SLC4A4: variants seen among roughly 807,000 people sequenced by gnomAD.
The protein encoded by SLC4A4 is electrogenic sodium bicarbonate cotransporter 1.
A neutral mutation model predicts 111.5 loss-of-function variants in SLC4A4; 27 were observed. The observed-to-expected ratio is 0.24, with a 90% CI of 0.18 to 0.33. The LOEUF is 0.33. SLC4A4 is among the 10% of genes least tolerant of loss of function. SLC4A4 has a pLI of 1.00. For missense variants in SLC4A4, 909 were observed against 1,315.5 expected, an observed-to-expected ratio of 0.69 and a Z score of 4.78; for synonymous variants, 443 against 463.4, an observed-to-expected ratio of 0.96 and a Z score of 0.57.
intron 12 of SLC4A4, 66 bp downstream of exon 12, chr4:71,453,735 C>G: frequency 7.0e-7 from 1 of 1,431,670 alleles, no homozygotes; most frequent in South Asian, 1.1e-5. Context: ...CCCTACAGCT[C>G]AGTTAGAAGC....
chr4:71,368,105 G>T (rs1731492752), intron 6 of SLC4A4, among the ~76,000 whole-genome samples: 1 of 152,036 alleles, frequency 6.6e-6, no homozygotes, highest in Admixed American at 6.5e-5. Flanking sequence ...ATTCCTTAAA[G>T]GATAATTATG....
At chr4:71,260,243 T>A (rs1357875709) in intron 3 of SLC4A4, among the ~76,000 whole-genome samples, 1 of 152,202 alleles carries the variant, frequency 6.6e-6, no homozygotes, top group Admixed American at 6.5e-5. Context: ...GCCAAGAATA[T>A]TTGGTGTTGT....
At chr4:71,514,333 C>T (rs1226035120) in intron 16 of SLC4A4, among the ~76,000 whole-genome samples, 1 of 152,148 alleles carries the variant, frequency 6.6e-6, no homozygotes, top group Non-Finnish European at 1.5e-5. Flanking sequence ...CCTTCACCCT[C>T]TTCCTCCTGC....
At chr4:71,527,651 A>G (rs1325982813) in intron 16 of SLC4A4, among the ~76,000 whole-genome samples, 1 of 151,886 alleles carries the variant, frequency 6.6e-6, no homozygotes. Flanking sequence ...AAAGAATTGC[A>G]GATTGAATTT....
intron 7 of SLC4A4, among the ~76,000 whole-genome samples, chr4:71,419,204 G>C (rs568259578): frequency 3.2e-4 from 48 of 152,354 alleles, no homozygotes; most frequent in Middle Eastern, 6.8e-3. Flanking sequence ...CGTGCTGGGA[G>C]AACCACTGCT....
At chr4:71,084,633 C>A (rs965252705) in intron 1 of SLC4A4, among the ~76,000 whole-genome samples, 5 of 152,098 alleles carry the variant, frequency 3.3e-5, no homozygotes, top group Admixed American at 6.5e-5. Context: ...CAATTCCCAC[C>A]TCTGAGTAAG....
At chr4:71,306,041 C>T (rs1408228316) in intron 3 of SLC4A4, among the ~76,000 whole-genome samples, 1 of 152,172 alleles carries the variant, frequency 6.6e-6, no homozygotes, top group African/African-American at 2.4e-5. Flanking sequence ...TACTGATTTG[C>T]AAGCTGGACT....
At chr4:71,112,164 CA>C in intron 2 of SLC4A4, among the ~76,000 whole-genome samples, 1 of 152,324 alleles carries the variant, frequency 6.6e-6, no homozygotes, top group East Asian at 1.9e-4. Flanking sequence ...CAGATTTCTG[CA>C]ATGTCTTCAA....
At chr4:71,167,908 T>C (rs1001917746) in intron 2 of SLC4A4, among the ~76,000 whole-genome samples, 1 of 152,150 alleles carries the variant, frequency 6.6e-6, no homozygotes, top group African/African-American at 2.4e-5. Context: ...TCTCTCTATC[T>C]TCAGTCCTCA....
intron 9 of SLC4A4, among the ~76,000 whole-genome samples, chr4:71,449,820 G>A (rs1423280969): frequency 6.6e-6 from 1 of 152,218 alleles, no homozygotes; most frequent in African/African-American, 2.4e-5. Context: ...AGATGGTTTA[G>A]TTGTTGTCTT....
chr4:71,387,988 C>T (rs1351672051), intron 6 of SLC4A4, among the ~76,000 whole-genome samples: 4 of 152,138 alleles, frequency 2.6e-5, no homozygotes, highest in Admixed American at 2.6e-4. Context: ...TCCTCTTTAC[C>T]TTGGCTTAGG....
At chr4:71,157,673 A>T (rs977392677) in intron 2 of SLC4A4, among the ~76,000 whole-genome samples, 75 of 152,260 alleles carry the variant, frequency 4.9e-4, no homozygotes, top group African/African-American at 1.8e-3. Context: ...CCAGTTTTTG[A>T]TTATTCAAAG....
In SLC4A4 at chr4:71,333,596, C is replaced by T. The variant is rs149356667; in HGVS notation, c.254-5774C>T. Among the ~76,000 whole-genome samples, 26 of 152,356 alleles carry T rather than the reference C, an allele frequency of 1.7e-4. No individual in the cohort carries two copies. In the East Asian group the frequency reaches 5.0e-3, roughly 29 times the overall value. Reference sequence around the variant, plus strand: ...TTCAGTCACCATGTGGTGAATCCAGCCAGGCTTGCGTCCTTCCCTTCAGGG... The same window carrying T: ...TTCAGTCACCATGTGGTGAATCCAGTCAGGCTTGCGTCCTTCCCTTCAGGG... On this transcript the variant is annotated intron_variant, in intron 3 of 25. Transcript: ENST00000264485.
At chr4:71,407,411 A>G (rs1035961474) in intron 7 of SLC4A4, among the ~76,000 whole-genome samples, 8 of 152,198 alleles carry the variant, frequency 5.3e-5, no homozygotes, top group African/African-American at 1.9e-4. Flanking sequence ...TTGTGAGTTT[A>G]TATCTTAGCT....
chr4:71,523,672 C>T (rs960391941), intron 16 of SLC4A4, among the ~76,000 whole-genome samples: 1 of 152,098 alleles, frequency 6.6e-6, no homozygotes, highest in African/African-American at 2.4e-5. Flanking sequence ...GAAATCCCTG[C>T]ACTAACACAA....
At chr4:71,132,074 A>G (rs1319612268) in intron 2 of SLC4A4, among the ~76,000 whole-genome samples, 1 of 152,208 alleles carries the variant, frequency 6.6e-6, no homozygotes, top group Non-Finnish European at 1.5e-5. Context: ...AGCAATGTGC[A>G]TACTATTTAA....
intron 20 of SLC4A4, among the ~76,000 whole-genome samples, chr4:71,551,094 G>A (rs752063072): frequency 2.0e-5 from 3 of 151,774 alleles, no homozygotes; most frequent in Admixed American, 2.0e-4. Context: ...ATTCTGTATG[G>A]GGAAACTAGA....
intron 16 of SLC4A4, among the ~76,000 whole-genome samples, chr4:71,528,552 C>T (rs1453448): frequency 0.95 from 145,234 of 152,116 alleles, 69,733 homozygotes; most frequent in East Asian, 1. Context: ...TAATTGGCAT[C>T]ATATACCAAA....
intron 2 of SLC4A4, among the ~76,000 whole-genome samples, chr4:71,115,083 A>G (rs1743209057): frequency 6.7e-6 from 1 of 148,534 alleles, no homozygotes; most frequent in Non-Finnish European, 1.5e-5. Context: ...AACTATCGCA[A>G]GAACAAAAAA....
Sources: allele counts gnomAD v4.1 joint callset (sites outside exome capture counted in the v4.1 genomes callset), GRCh38; gene constraint gnomAD v4.1.1; transcripts MANE v1.5; gene names NCBI Gene and HGNC (gene_info 2026-07-23, HGNC 2026-07-21).